Variants in ADGRE3 observed in about 807,000 individuals in gnomAD.
The protein encoded by ADGRE3 is adhesion G protein-coupled receptor E3.
ADGRE3 carries 88 observed loss-of-function variants against 80.1 expected under a neutral mutation model. The ratio of observed to expected loss-of-function variants is 1.10; its 90% CI spans 0.93 to 1.31. ADGRE3 has a LOEUF of 1.31. Among genes scored for constraint, ADGRE3 ranks in the 40% most tolerant of loss-of-function variants. The probability of loss-of-function intolerance (pLI) is 0.00; values close to 1 mark genes in which losing one functional copy is unlikely to be tolerated. For synonymous variants in ADGRE3, 281 were observed against 294.8 expected (o/e 0.95, Z 0.48); for missense variants, 715 against 776.5 (o/e 0.92, Z 0.94).
At chr19:14,645,984 G>C (rs1490533580) in intron 8 of ADGRE3, among the ~76,000 whole-genome samples, 2 of 152,026 alleles carry the variant, frequency 1.3e-5, no homozygotes, top group African/African-American at 4.8e-5. Flanking sequence ...AAAAGGTAAA[G>C]ATATAGATCA....
intron 15 of ADGRE3, among the ~76,000 whole-genome samples, chr19:14,624,058 C>T (rs1278947203): frequency 2.0e-5 from 3 of 151,528 alleles, no homozygotes; most frequent in Admixed American, 6.6e-5. Flanking sequence ...CTTAGCCTCC[C>T]GAGTAGCTAG....
At chr19:14,609,654 A>G in the ADGRE3 span, among the ~76,000 whole-genome samples, 4 of 151,658 alleles carry the variant, frequency 2.6e-5, no homozygotes, top group Non-Finnish European at 5.9e-5. Context: ...CCTGGCCAAC[A>G]TGGTGAAACC....
chr19:14,632,820 C>G (rs1463553682), intron 13 of ADGRE3, 101 bp downstream of exon 13: 5 of 715,828 alleles, frequency 7.0e-6, no homozygotes, highest in Non-Finnish European at 1.2e-5. Context: ...AGTGGTCTTG[C>G]TAGTCCTGGG....
At chr19:14,654,899 C>T in intron 6 of ADGRE3, 83 bp downstream of exon 6, 1 of 1,090,720 alleles carries the variant, frequency 9.2e-7, no homozygotes, top group Non-Finnish European at 1.3e-6. Context: ...GTGGTGTATT[C>T]AATTTTTTTT....
chr19:14,600,867 G>A, the ADGRE3 span, among the ~76,000 whole-genome samples: 15 of 144,858 alleles, frequency 1.0e-4, no homozygotes, highest in Non-Finnish European at 1.6e-4. Flanking sequence ...GGGATTACAG[G>A]CGTGAGCCAC....
intron 7 of ADGRE3, among the ~76,000 whole-genome samples, chr19:14,648,031 G>C (rs184556780): frequency 6.1e-5 from 9 of 146,472 alleles, no homozygotes; most frequent in South Asian, 2.2e-4. Flanking sequence ...GAAGTAAGCT[G>C]CGATCACGCC....
the ADGRE3 span, among the ~76,000 whole-genome samples, chr19:14,606,169 C>CA: frequency 0.054 from 8,077 of 150,890 alleles, 722 homozygotes; most frequent in African/African-American, 0.19. Context: ...CAAGAGAAAC[C>CA]AAAAAAAATC....
At chr19:14,620,555 T>TATA (rs1970561308) in intron 15 of ADGRE3, among the ~76,000 whole-genome samples, 1 of 29,070 alleles carries the variant, frequency 3.4e-5, no homozygotes, top group African/African-American at 1.5e-4. Context: ...ATATTATATA[T>TATA]ATATATATAT....
Position 14,644,217 on chromosome 19 carries a change from C to T in ADGRE3, c.941G>A (p.Ser314Asn). The change falls in exon 9 of 16, where the codon AGC becomes AAC. Residue 314 changes from serine to asparagine, a missense_variant. Physicochemically the swap from Ser to Asn is conservative, Grantham distance 46. Transcript: ENST00000253673. ...CVYWKSTGQGSQWSRDGCFLI... is the reference protein window; with the variant it reads ...CVYWKSTGQGNQWSRDGCFLI... ...GAAGCAGCCATCCCTGGACCACTGGCTGCCCTGCCCTGTGCTCTTCCAGTA... is the reference window on the plus strand; with the variant it reads ...GAAGCAGCCATCCCTGGACCACTGGTTGCCCTGCCCTGTGCTCTTCCAGTA... 2 of 1,606,026 alleles carry T rather than the reference C, an allele frequency of 1.2e-6. No individual in the cohort carries two copies. Among genetic ancestry groups the T allele is most frequent in the Non-Finnish European group, 1.7e-6 (2 of 1,176,582 alleles).
intron 11 of ADGRE3, among the ~76,000 whole-genome samples, chr19:14,635,267 A>C (rs1971005472): frequency 1.3e-5 from 2 of 151,530 alleles, no homozygotes; most frequent in African/African-American, 4.9e-5. Flanking sequence ...CAGCTAATTA[A>C]AACAATTTTT....
intron 14 of ADGRE3, chr19:14,628,934 T>C (rs997555592): frequency 1.9e-5 from 3 of 156,892 alleles, no homozygotes; most frequent in African/African-American, 7.2e-5. Flanking sequence ...TTTTCTCTTT[T>C]TTTTTTGAGA....
chr19:14,613,789 G>A, the ADGRE3 span, among the ~76,000 whole-genome samples: 3 of 152,068 alleles, frequency 2.0e-5, no homozygotes, highest in South Asian at 6.2e-4. Context: ...GGGTACAAGC[G>A]ATTCTTGTGC....
the ADGRE3 span, among the ~76,000 whole-genome samples, chr19:14,609,683 T>C: frequency 1.3e-5 from 2 of 151,612 alleles, no homozygotes; most frequent in African/African-American, 4.8e-5. Flanking sequence ...ACTAAAAATA[T>C]AAAAACTAGC....
chr19:14,627,144 C>G (rs79221600), intron 14 of ADGRE3, among the ~76,000 whole-genome samples: 34 of 152,186 alleles, frequency 2.2e-4, no homozygotes, highest in Non-Finnish European at 4.4e-4. Context: ...GGATATTTAG[C>G]GGTATCCCTG....
At chr19:14,665,978 A>ATATATATATGTATATATATATATG (rs1568500899) in intron 2 of ADGRE3, among the ~76,000 whole-genome samples, 1 of 128,248 alleles carries the variant, frequency 7.8e-6, no homozygotes, top group African/African-American at 2.9e-5. Flanking sequence ...ATATATATAT[A>ATATATATATGTATATATATATATG]GTGTTTTCTT....
intron 5 of ADGRE3, among the ~76,000 whole-genome samples, chr19:14,657,612 G>A (rs1971804979): frequency 6.6e-6 from 1 of 151,496 alleles, no homozygotes; most frequent in Non-Finnish European, 1.5e-5. Context: ...GCATGGCATT[G>A]GTTCCAGGAT....
intron 11 of ADGRE3, among the ~76,000 whole-genome samples, chr19:14,635,209 G>A (rs1971003795): frequency 6.6e-6 from 1 of 151,896 alleles, no homozygotes; most frequent in Non-Finnish European, 1.5e-5. Context: ...CGATCCTCCC[G>A]CCCCAGCCTC....
intron 1 of ADGRE3, among the ~76,000 whole-genome samples, chr19:14,670,209 C>T (rs56279334): frequency 0.042 from 6,337 of 152,152 alleles, 149 homozygotes; most frequent in East Asian, 0.1. Flanking sequence ...TGAGAACTAG[C>T]TGGGCATTGT....
intron 2 of ADGRE3, among the ~76,000 whole-genome samples, chr19:14,667,214 G>C (rs1036716398): frequency 5.9e-5 from 9 of 152,158 alleles, no homozygotes; most frequent in Admixed American, 5.9e-4. Flanking sequence ...ACTTGGAGCA[G>C]ACGGAAATTT....
Sources: allele counts gnomAD v4.1 joint callset (sites outside exome capture counted in the v4.1 genomes callset), GRCh38; gene constraint gnomAD v4.1.1; transcripts MANE v1.5; gene names NCBI Gene and HGNC (gene_info 2026-07-23, HGNC 2026-07-21).